Variants in L1CAM observed in about 807,000 individuals in gnomAD.
L1CAM encodes neural cell adhesion molecule L1.
Under a neutral mutation model 93.0 loss-of-function variants are expected in L1CAM, and 8 were observed. That is an observed-to-expected ratio of 0.09 (90% confidence interval 0.05 to 0.16). The LOEUF (loss-of-function observed/expected upper bound fraction) is 0.16, where lower values mean the gene tolerates loss of function less well. Ranked by LOEUF, L1CAM falls within the 10% of genes least tolerant of loss-of-function variation. The probability of loss-of-function intolerance (pLI) is 1.00; values close to 1 mark genes in which losing one functional copy is unlikely to be tolerated. For synonymous variants in L1CAM, 453 were observed against 453.0 expected (o/e 1.00, Z 0.00); for missense variants, 777 against 1,073.4 (o/e 0.72, Z 3.86).
intron 4 of L1CAM, 48 bp from the exon 5 acceptor site, chrX:153,872,402 G>T (rs781853677): frequency 7.8e-6 from 9 of 1,153,276 alleles, no homozygotes; most frequent in Non-Finnish European, 1.1e-5. Flanking sequence ...GAACCCAACG[G>T]GGGCTGGAAC....
At chrX:153,885,637 GA>G (rs561996824) in intron 1 of L1CAM, among the ~76,000 whole-genome samples, 3 of 111,702 alleles carry the variant, frequency 2.7e-5, no homozygotes, top group South Asian at 3.8e-4. Context: ...GGCTGGGGAT[GA>G]GGGGCAGCCA....
chrX:153,876,947 C>G (rs1557094721), intron 1 of L1CAM, among the ~76,000 whole-genome samples: 2 of 110,446 alleles, frequency 1.8e-5, no homozygotes, highest in African/African-American at 6.6e-5. Flanking sequence ...TGCAGTGAGC[C>G]AAGATCGTGC....
intron 2 of L1CAM, among the ~76,000 whole-genome samples, chrX:153,874,325 C>T (rs1224352220): frequency 2.7e-5 from 3 of 113,134 alleles, no homozygotes; most frequent in African/African-American, 9.6e-5. Context: ...AGAGAATGCA[C>T]GGCTTGCATT....
At chrX:153,881,834 G>A (rs969078446) in intron 1 of L1CAM, among the ~76,000 whole-genome samples, 1 of 111,398 alleles carries the variant, frequency 9.0e-6, no homozygotes, top group Non-Finnish European at 1.9e-5. Context: ...TTCAGCCTCC[G>A]AGACCCCTAG....
At chrX:153,878,406 G>A (rs782718247) in intron 1 of L1CAM, among the ~76,000 whole-genome samples, 10 of 113,208 alleles carry the variant, frequency 8.8e-5, no homozygotes, top group Non-Finnish European at 1.5e-4. Context: ...ATGGCCTGGA[G>A]GCCAAGAGAT....
Position 153,885,186 on chromosome X carries a change from T to C in L1CAM, c.-109+879A>G, listed in dbSNP as rs1009854255. Among the ~76,000 whole-genome samples, 3 of 112,896 alleles carry C rather than the reference T, an allele frequency of 2.7e-5. No individual in the cohort carries two copies. In the East Asian group the frequency reaches 8.5e-4, roughly 32 times the overall value. On this transcript the variant is annotated intron_variant, in intron 1 of 28. Coordinates refer to ENST00000370060, the MANE Select transcript of L1CAM (RefSeq NM_001278116.2). ...GACCCCTCCCATAACCGCACAGAGATAGGAAGATGTGGCAGTGGGCAAAAG... is the reference window on the plus strand; with the variant it reads ...GACCCCTCCCATAACCGCACAGAGACAGGAAGATGTGGCAGTGGGCAAAAG...
chrX:153,877,724 G>GC (rs201877816), intron 1 of L1CAM, among the ~76,000 whole-genome samples: 2,433 of 112,559 alleles, frequency 0.022, 60 homozygotes, highest in African/African-American at 0.075. Context: ...CTGCTCCTCA[G>GC]CCCCCTGGGG....
chrX:153,875,035 C>T (rs990515235), intron 2 of L1CAM, among the ~76,000 whole-genome samples: 12 of 112,090 alleles, frequency 1.1e-4, no homozygotes, highest in African/African-American at 2.9e-4. Context: ...CGAATATCTA[C>T]GCTCAGTCAA....
intron 15 of L1CAM, 31 bp from the exon 16 acceptor site, chrX:153,867,941 G>C: frequency 8.3e-7 from 1 of 1,210,125 alleles, no homozygotes. Flanking sequence ...TGCTTGAAAG[G>C]GCCCAGGGAT....
At position 153,863,907 on chromosome X, in the gene L1CAM, G is replaced by A. The variant is rs200798819; in HGVS notation, c.3433C>T (p.Arg1145Cys). Residue 1145 changes from arginine to cysteine, a missense_variant, in exon 26 of 29, where the codon CGC becomes TGC. This residue lies in a region of L1CAM where 110 missense variants were observed against 141.7 expected (regional missense o/e 0.78). Coordinates refer to ENST00000370060, the MANE Select transcript of L1CAM (RefSeq NM_001278116.2). ...LVLLILCFIK[R>C]SKGGKYSVKD... Reference sequence around the variant, plus strand: ...CCTGAGTATTTGCCGCCCTTGCTGCGCTTGATGAAGCAGAGGATGAGCAGG... The same window carrying A: ...CCTGAGTATTTGCCGCCCTTGCTGCACTTGATGAAGCAGAGGATGAGCAGG... 9 of 1,212,076 alleles carry A rather than the reference G, an allele frequency of 7.4e-6. No individual in the cohort carries two copies. Among genetic ancestry groups the A allele is most frequent in the Middle Eastern group, 2.3e-4 (1 of 4,356 alleles).
Position 153,870,140 on chromosome X carries a change from C to A in L1CAM, c.907G>T (p.Gly303Cys). ...HNKTLQLLKV[G>C]EEDDGEYRCL... ...CGGTACTCGCCATCATCCTCCTCGC[C>A]CACTTTCAGCAGCTGCAGGGTCTTG... The change falls in exon 9 of 29, where the codon GGC becomes TGC. Residue 303 changes from glycine to cysteine, a missense_variant. Transcript: ENST00000370060. 2 of 1,212,034 alleles carry A rather than the reference C, an allele frequency of 1.7e-6. No individual in the cohort carries two copies.
chrX:153,873,621 C>A (rs1236178352), intron 2 of L1CAM, among the ~76,000 whole-genome samples: 1 of 112,540 alleles, frequency 8.9e-6, no homozygotes, highest in East Asian at 2.8e-4. Context: ...GCAGAACTGA[C>A]CCCACCCATT....
rs1569544938 is a variant in L1CAM, at chrX:153,873,235, T to C, written c.84A>G (p.Gly28=). The C allele has an allele frequency of 3.3e-6, 4 of 1,210,644 alleles. No homozygotes were observed. The highest frequency in any genetic ancestry group is 4.5e-6 in the Non-Finnish European group (4 of 894,351). ...CACCCCTCCCCAACTTACCATGGTG[T>C]CCTTCATCTGAGAAATCCAGGCAGG... is the stretch of plus-strand genomic sequence containing the variant. The part of the protein sequence containing the change: ...LLIQIPEEYE[G]HHVMEPPVIT... The change falls in exon 3 of 29, where the codon GGA becomes GGG. Residue 28 remains glycine (G), a synonymous_variant. Coordinates refer to ENST00000370060, the MANE Select transcript of L1CAM (RefSeq NM_001278116.2).
chrX:153,885,782 G>A (rs2064875825), intron 1 of L1CAM: 2 of 786,874 alleles, frequency 2.5e-6, no homozygotes, highest in African/African-American at 4.9e-5. Flanking sequence ...CCTGCCTGAC[G>A]CCCCCCGCCC....
intron 1 of L1CAM, chrX:153,885,753 C>G (rs1167141116): frequency 4.3e-6 from 3 of 695,253 alleles, no homozygotes; most frequent in Non-Finnish European, 5.4e-6. Flanking sequence ...AACTTCAGCC[C>G]CCGCCTGCCC....
chrX:153,862,960 G>A (rs1424851758), intron 28 of L1CAM, 66 bp from the exon 29 acceptor site: 3 of 909,251 alleles, frequency 3.3e-6, no homozygotes, highest in Non-Finnish European at 4.7e-6. Flanking sequence ...CTGGCTGGGG[G>A]TGAGGCAGAC....
intron 6 of L1CAM, 34 bp from the exon 7 acceptor site, chrX:153,870,994 C>T: frequency 2.5e-6 from 3 of 1,211,257 alleles, no homozygotes; most frequent in Middle Eastern, 2.3e-4. Context: ...GTCATGACCC[C>T]GTCCAGGAAG....
chrX:153,870,981 G>A lies in L1CAM; in HGVS notation c.524-21C>T, dbSNP rs199820158. On this transcript the variant is annotated intron_variant, in intron 6 of 28. Coordinates refer to ENST00000370060, the MANE Select transcript of L1CAM (RefSeq NM_001278116.2). Reference sequence around the variant, plus strand: ...GATCTCTGCAGGGGGCAAGGAGGCCGAAGTCATGACCCCGTCCAGGAAGAC... The same window carrying A: ...GATCTCTGCAGGGGGCAAGGAGGCCAAAGTCATGACCCCGTCCAGGAAGAC... 1.5e-4 allele frequency: 177 copies of A among 1,208,802 alleles called. 2 individuals carry two copies. In the South Asian group the frequency reaches 2.2e-3, roughly 15 times the overall value.
intron 1 of L1CAM, among the ~76,000 whole-genome samples, chrX:153,877,005 T>TAAATAA (rs1209481788): frequency 1.9e-5 from 2 of 103,152 alleles, no homozygotes; most frequent in Non-Finnish European, 3.9e-5. Context: ...TCTAAAAAAA[T>TAAATAA]AAATAAAAAT....
Sources: allele counts gnomAD v4.1 joint callset (sites outside exome capture counted in the v4.1 genomes callset), GRCh38; gene constraint gnomAD v4.1.1; regional missense constraint gnomAD v4.1.1; transcripts MANE v1.5; gene names NCBI Gene and HGNC (gene_info 2026-07-23, HGNC 2026-07-21).